The following INSC variants were observed in gnomAD, a reference collection of about 807,000 sequenced individuals.
INSC encodes the protein INSC spindle orientation adaptor protein.
In INSC, 67 loss-of-function variants were observed where a neutral mutation model predicts 58.6. That is an observed-to-expected ratio of 1.14 (90% CI 0.94 to 1.40). The LOEUF (loss-of-function observed/expected upper bound fraction) is 1.40. INSC is among the 40% of genes most tolerant of loss of function. The pLI is 0.00. For synonymous variants in INSC, 262 were observed against 276.1 expected, an observed-to-expected ratio of 0.95 and a Z score of 0.51; for missense variants, 714 against 692.0, an observed-to-expected ratio of 1.03 and a Z score of -0.36.
At chr11:15,245,094 GGA>G (rs1852507444) in intron 12 of INSC, among the ~76,000 whole-genome samples, 1 of 152,192 alleles carries the variant, frequency 6.6e-6, no homozygotes, top group Non-Finnish European at 1.5e-5. Context: ...TTACTCTCGA[GGA>G]GCTCAGAGTC....
At chr11:15,177,336 C>A (rs895588495) in intron 4 of INSC, among the ~76,000 whole-genome samples, 173 bp downstream of exon 4, 4 of 152,072 alleles carry the variant, frequency 2.6e-5, no homozygotes, top group Admixed American at 6.5e-5. Context: ...AAATTTTCTG[C>A]CCCATGTTCA....
intron 2 of INSC, among the ~76,000 whole-genome samples, chr11:15,170,945 T>C (rs4756796): frequency 0.24 from 37,169 of 152,250 alleles, 5,956 homozygotes; most frequent in Non-Finnish European, 0.37. Context: ...ATTCTCCTAC[T>C]AGCAGAGTGC....
At chr11:15,144,270 T>G (rs1439356307) in intron 1 of INSC, among the ~76,000 whole-genome samples, 1 of 152,214 alleles carries the variant, frequency 6.6e-6, no homozygotes, top group Non-Finnish European at 1.5e-5. Context: ...ATCTTGGTGC[T>G]CACAACAATC....
chr11:15,217,392 G>A (rs71482970), intron 7 of INSC, among the ~76,000 whole-genome samples: 4 of 152,196 alleles, frequency 2.6e-5, no homozygotes, highest in African/African-American at 7.2e-5. Flanking sequence ...TGGGGACACA[G>A]CCAAACCATA....
In INSC at chr11:15,200,863, G is replaced by T. The variant is rs928718808; in HGVS notation, c.733G>T (p.Asp245Tyr). 6.2e-7 allele frequency: 1 copy of T among 1,613,926 alleles called. No homozygotes were observed. The highest frequency in any genetic ancestry group is 8.5e-7 in the Non-Finnish European group (1 of 1,180,022). Residue 245 changes from aspartate (D) to tyrosine (Y), a missense_variant, in exon 7 of 13, where the codon GAC becomes TAC. Physicochemically the swap from Asp to Tyr is radical, Grantham distance 160. Transcript: ENST00000379556. ...AGCACTCTTCAAGGTTTGCCGGCAG[G>T]ACAGTTTCCGGTGCTTGTACCCCCA... ...VVALFKVCRQ[D>Y]SFRCLYPQAL...
chr11:15,176,150 G>T, intron 3 of INSC, 64 bp downstream of exon 3: 1 of 1,323,844 alleles, frequency 7.6e-7, no homozygotes, highest in Non-Finnish European at 1.0e-6. Context: ...AGAAGAGTGG[G>T]TTTGAATCAT....
chr11:15,249,910 T>G (rs1852632623), downstream of INSC, among the ~76,000 whole-genome samples: 1 of 152,230 alleles, frequency 6.6e-6, no homozygotes, highest in African/African-American at 2.4e-5. Flanking sequence ...ACTGGTCAGG[T>G]GCAGCACAAG....
chr11:15,225,560 G>C lies in INSC; in HGVS notation c.992-90G>C, dbSNP rs1345354362. ...TGGGTATTATAACACCTGCTCAAAC[G>C]ATCTCCCAGAGGTATTGTGTGAACC... On this transcript the variant is annotated intron_variant, in intron 8 of 12. Coordinates refer to ENST00000379556, the MANE Select transcript of INSC (RefSeq NM_001042536.3). 2.3e-6 allele frequency: 3 copies of C among 1,303,648 alleles called. No individual in the cohort carries two copies. In the Admixed American group the frequency reaches 6.9e-5, roughly 30 times the overall value. 80.8% of individuals were successfully genotyped at this position (1,303,648 alleles called of 1,614,324 possible). A position where few individuals can be genotyped will look rare whatever the true frequency, so the allele number is the denominator to read the frequency against.
At chr11:15,113,119 C>CTCTCTCTTTCTTTCTT (rs1554899334), upstream of INSC, among the ~76,000 whole-genome samples, 3 of 73,264 alleles carry the variant, frequency 4.1e-5, no homozygotes, top group Non-Finnish European at 6.2e-5. Flanking sequence ...TTCTCTCTCT[C>CTCTCTCTTTCTTTCTT]TCTTTCTTTC....
chr11:15,221,920 G>C (rs1331911020), intron 8 of INSC, among the ~76,000 whole-genome samples: 2 of 152,108 alleles, frequency 1.3e-5, no homozygotes, highest in Non-Finnish European at 2.9e-5. Context: ...TTTCAGAAGG[G>C]AGTCCAGGAC....
intron 3 of INSC, among the ~76,000 whole-genome samples, chr11:15,176,739 TATTA>T (rs1323645031): frequency 1.3e-5 from 2 of 152,198 alleles, no homozygotes; most frequent in Non-Finnish European, 2.9e-5. Flanking sequence ...TCTCCCTTGT[TATTA>T]ATTCTCTTTC....
intron 7 of INSC, among the ~76,000 whole-genome samples, chr11:15,208,276 C>A (rs1170592958): frequency 6.6e-6 from 1 of 152,274 alleles, no homozygotes; most frequent in East Asian, 1.9e-4. Context: ...TCCTCACACC[C>A]CCAAACACTA....
chr11:15,164,893 T>C (rs1370121944), intron 2 of INSC, among the ~76,000 whole-genome samples: 1 of 152,176 alleles, frequency 6.6e-6, no homozygotes, highest in Admixed American at 6.5e-5. Context: ...GATTTTATAA[T>C]GCCTGCCACC....
chr11:15,264,710 T>C, the INSC span, among the ~76,000 whole-genome samples: 7 of 151,708 alleles, frequency 4.6e-5, no homozygotes, highest in Admixed American at 3.3e-4. Context: ...TTTAGTTAGA[T>C]TGGACCCACC....
intron 10 of INSC, among the ~76,000 whole-genome samples, chr11:15,236,423 T>C (rs191546889): frequency 2.6e-5 from 4 of 152,300 alleles, no homozygotes; most frequent in Non-Finnish European, 5.9e-5. Flanking sequence ...TCCTATCTTA[T>C]TGGATTTGGC....
intron 2 of INSC, among the ~76,000 whole-genome samples, chr11:15,155,782 C>T (rs1332929713): frequency 6.6e-6 from 1 of 152,132 alleles, no homozygotes; most frequent in Non-Finnish European, 1.5e-5. Flanking sequence ...TTAAAATGAG[C>T]CAAGAAAAGA....
intron 7 of INSC, among the ~76,000 whole-genome samples, chr11:15,207,693 G>A (rs1029885710): frequency 6.6e-6 from 1 of 152,184 alleles, no homozygotes; most frequent in African/African-American, 2.4e-5. Flanking sequence ...TTTTACAGGG[G>A]TCTGTCTCCA....
intron 2 of INSC, among the ~76,000 whole-genome samples, chr11:15,154,494 G>A (rs1466853171): frequency 6.6e-6 from 1 of 152,214 alleles, no homozygotes; most frequent in African/African-American, 2.4e-5. Flanking sequence ...GAGAGTTGAA[G>A]AGGCTTTGTT....
chr11:15,268,252 C>G, the INSC span, among the ~76,000 whole-genome samples: 14 of 152,044 alleles, frequency 9.2e-5, no homozygotes, highest in African/African-American at 3.4e-4. Context: ...GTCCCTGTTA[C>G]TACATCTTGG....
Sources: allele counts gnomAD v4.1 joint callset (sites outside exome capture counted in the v4.1 genomes callset), GRCh38; gene constraint gnomAD v4.1.1; transcripts MANE v1.5; gene names NCBI Gene and HGNC (gene_info 2026-07-23, HGNC 2026-07-21).